TPP2: variants seen among roughly 807,000 people sequenced by gnomAD.
The protein encoded by TPP2 is tripeptidyl-peptidase 2.
A neutral mutation model predicts 155.9 loss-of-function variants in TPP2; 34 were observed. The observed-to-expected ratio is 0.22, with a 90% CI of 0.17 to 0.29. TPP2 has a LOEUF of 0.29. Among genes scored for constraint, TPP2 ranks in the 10% least tolerant of loss-of-function variants. The pLI, the probability that TPP2 is intolerant of heterozygous loss-of-function variation, is 1.00. For synonymous variants in TPP2, 510 were observed against 529.4 expected (o/e 0.96, Z 0.50); for missense variants, 1,028 against 1,522.3 (o/e 0.68, Z 5.40).
chr13:102,623,122 C>G, intron 6 of TPP2, 82 bp downstream of exon 6: 1 of 1,429,068 alleles, frequency 7.0e-7, no homozygotes, highest in Non-Finnish European at 9.4e-7. Flanking sequence ...CAGCAACCTT[C>G]TAGAGAATTT....
Position 102,618,558 on chromosome 13 carries a change from CATTGAATTGAATGACAAGTTGCATAG to C in TPP2, c.496-161_496-136del, listed in dbSNP as rs561681835. On this transcript the variant is annotated intron_variant, in intron 4 of 29. Transcript: ENST00000376052. ...GATCTGTATTAATGGGTATCTGCTT[CATTGAATTGAATGACAAGTTGCATAG>C]ATAGAACAAAATTTTCTTACATTTT... 3.3e-5 allele frequency among the ~76,000 whole-genome samples: 5 copies of C among 152,244 alleles called. No individual in the cohort carries two copies. In the South Asian group the frequency reaches 1.0e-3, roughly 32 times the overall value.
At chr13:102,677,482 A>G (rs1885351437) in intron 29 of TPP2, among the ~76,000 whole-genome samples, 1 of 152,186 alleles carries the variant, frequency 6.6e-6, no homozygotes, top group African/African-American at 2.4e-5. Context: ...CCAGTGGTCC[A>G]TAAGGCCCCT....
intron 27 of TPP2, among the ~76,000 whole-genome samples, chr13:102,666,766 C>CTTTTTTTTTTTTTTTTTTTT: frequency 3.9e-4 from 22 of 55,734 alleles, no homozygotes; most frequent in Admixed American, 7.6e-4. Flanking sequence ...TTTTTAATCT[C>CTTTTTTTTTTTTTTTTTTTT]TTTTTTTTTT....
In TPP2 at chr13:102,647,342, C is replaced by G. The variant is rs775319721; in HGVS notation, c.2626C>G (p.Gln876Glu). 1 of 1,610,068 alleles carries G rather than the reference C, an allele frequency of 6.2e-7. No individual in the cohort carries two copies. Among genetic ancestry groups the G allele is most frequent in the Non-Finnish European group, 8.5e-7 (1 of 1,178,980 alleles). Reference sequence around the variant, plus strand: ...GGGTTCAGGCGATGCCTATCCACATCAGGTATAAAATTGATGGTGATTTTT... The same window carrying G: ...GGGTTCAGGCGATGCCTATCCACATGAGGTATAAAATTGATGGTGATTTTT... ...QMGSGDAYPH[Q>E]YSLKLEKGDY... Residue 876 changes from glutamine (Q) to glutamate (E), a missense_variant and splice_region_variant, in exon 21 of 30, where the codon CAG becomes GAG. Physicochemically the swap from Gln to Glu is conservative, Grantham distance 29. Around this residue, in one of 7 missense-constraint regions of TPP2, gnomAD observed 179 missense variants for 274.7 expected, o/e 0.65. Transcript: ENST00000376052.
chr13:102,636,487 G>A (rs943791633), intron 13 of TPP2, 95 bp downstream of exon 13: 1 of 1,366,114 alleles, frequency 7.3e-7, no homozygotes, highest in African/African-American at 1.5e-5. Context: ...CCAGTGTTGT[G>A]AAGAGAATAC....
intron 10 of TPP2, among the ~76,000 whole-genome samples, chr13:102,632,444 G>A (rs1010995652): frequency 6.6e-6 from 1 of 151,958 alleles, no homozygotes; most frequent in African/African-American, 2.4e-5. Context: ...GTTTCACCAT[G>A]TTGGCCAGGC....
intron 10 of TPP2, 67 bp downstream of exon 10, chr13:102,630,262 A>G: frequency 8.4e-7 from 1 of 1,188,648 alleles, no homozygotes. Context: ...TGAGAAGGGC[A>G]GAGTTTTAGA....
At chr13:102,608,570 T>C (rs1335849746) in intron 2 of TPP2, among the ~76,000 whole-genome samples, 1 of 152,178 alleles carries the variant, frequency 6.6e-6, no homozygotes, top group Non-Finnish European at 1.5e-5. Flanking sequence ...TTGTAACCCT[T>C]GTGTGAATTT....
chr13:102,675,130 G>A (rs561442391), intron 28 of TPP2, among the ~76,000 whole-genome samples: 16 of 152,130 alleles, frequency 1.1e-4, no homozygotes, highest in African/African-American at 1.9e-4. Flanking sequence ...TTCCCCTCGC[G>A]TATCACAGAC....
At chr13:102,647,455 A>T (rs1406418899) in intron 21 of TPP2, 111 bp downstream of exon 21, 2 of 1,367,742 alleles carry the variant, frequency 1.5e-6, no homozygotes, top group Non-Finnish European at 1.9e-6. Context: ...CAAAAATTAT[A>T]GCTTTGTGTT....
chr13:102,602,927 TTTTG>T (rs1879542557), intron 1 of TPP2, among the ~76,000 whole-genome samples: 1 of 151,206 alleles, frequency 6.6e-6, no homozygotes, highest in African/African-American at 2.4e-5. Context: ...GTTTTTCGTT[TTTTG>T]TTTTTTTTTC....
intron 2 of TPP2, among the ~76,000 whole-genome samples, chr13:102,607,077 G>A: frequency 6.6e-6 from 1 of 152,142 alleles, no homozygotes; most frequent in East Asian, 1.9e-4. Context: ...GCAAGAAGGT[G>A]GCCTCTGTAA....
rs756196491 is a variant in TPP2 at position 102,640,419 on chromosome 13, C to T, written c.2020+43C>T. On this transcript the variant is annotated intron_variant, in intron 16 of 29. Transcript: ENST00000376052. ...CTGTGTGACCGCTTATCTCTGTTTACGTTCTAATGACTATAGCTGTATGAG... is the reference window on the plus strand; with the variant it reads ...CTGTGTGACCGCTTATCTCTGTTTATGTTCTAATGACTATAGCTGTATGAG... The T allele has an allele frequency of 4.7e-5, 69 of 1,469,394 alleles. 2 individuals are homozygous for T. The highest frequency in any genetic ancestry group is 5.7e-5 in the Non-Finnish European group (60 of 1,051,506). The allele number at this position is 1,469,394 out of a possible 1,614,324, so 91.0% of individuals were successfully genotyped here.
At chr13:102,659,085 C>A (rs1395855887) in intron 25 of TPP2, among the ~76,000 whole-genome samples, 5 of 152,152 alleles carry the variant, frequency 3.3e-5, no homozygotes, top group Non-Finnish European at 7.3e-5. Context: ...GTTCATAAAA[C>A]TGATAGCTCC....
Position 102,638,418 on chromosome 13 carries a change from A to G in TPP2, c.1913+103A>G, listed in dbSNP as rs1882534033. 4 of 1,265,950 alleles carry G rather than the reference A, an allele frequency of 3.2e-6. No homozygotes were observed. In the Admixed American group the frequency reaches 7.0e-5, roughly 22 times the overall value. The allele number at this position is 1,265,950 out of a possible 1,614,324, so 78.4% of individuals were successfully genotyped here. On this transcript the variant is annotated intron_variant, in intron 15 of 29. Transcript: ENST00000376052. ...ATGATCACTAATACAGAACCAGGTA[A>G]TGGGGATTTTGTCTTAGTTCTGCTC...
At position 102,678,504 on chromosome 13, in the gene TPP2, A is replaced by G; in HGVS notation, c.*188A>G. On this transcript the variant is annotated 3_prime_UTR_variant, in exon 30 of 30. Transcript: ENST00000376052. ...TAATACATGTAAATCTAGACCTCTGACATCATGGTGTTTTCTTAATGCCTC... is the reference window on the plus strand; with the variant it reads ...TAATACATGTAAATCTAGACCTCTGGCATCATGGTGTTTTCTTAATGCCTC... The G allele has an allele frequency of 5.9e-6, 3 of 506,674 alleles. No homozygotes were observed. The highest frequency in any genetic ancestry group is 5.6e-5 in the South Asian group (2 of 35,752). The allele number at this position is 506,674 out of a possible 1,614,324, so 31.4% of individuals were successfully genotyped here.
Position 102,644,932 on chromosome 13 carries a change from C to A in TPP2, c.2316C>A (p.Arg772=). 1 of 1,613,998 alleles carries A rather than the reference C, an allele frequency of 6.2e-7. No individual in the cohort carries two copies. Among genetic ancestry groups the A allele is most frequent in the Non-Finnish European group, 8.5e-7 (1 of 1,179,934 alleles). Reference sequence around the variant, plus strand: ...AGCATGCATCGGAAGGAATCAACCGCTTTGATGTTCAGTCCTCCTTGAAAT... The same window carrying A: ...AGCATGCATCGGAAGGAATCAACCGATTTGATGTTCAGTCCTCCTTGAAAT... ...LNIHASEGIN[R]FDVQSSLKYE... is the part of the protein sequence containing the mutation. The change falls in exon 19 of 30, where the codon CGC becomes CGA. Residue 772 remains arginine (R), a synonymous_variant. Transcript: ENST00000376052.
At chr13:102,645,695 T>C (rs1283025543) in intron 19 of TPP2, among the ~76,000 whole-genome samples, 3 of 152,236 alleles carry the variant, frequency 2.0e-5, no homozygotes, top group Admixed American at 2.0e-4. Flanking sequence ...ATCTAAAAAA[T>C]TGGAGCTAAA....
At position 102,660,318 on chromosome 13, in the gene TPP2, CA is replaced by C. The variant is rs1402229671; in HGVS notation, c.3143+3117del. 5.3e-5 allele frequency among the ~76,000 whole-genome samples: 8 copies of C among 151,016 alleles called. No homozygotes were observed. The East Asian group carries it at 1.6e-3, about 29-fold the overall frequency. Reference sequence around the variant, plus strand: ...ACAAAAAAACAGGATACATCAAAAACAAAAAATAAAATCGAAGACCTAAGTC... The same window carrying C: ...ACAAAAAAACAGGATACATCAAAAACAAAAATAAAATCGAAGACCTAAGTC... On this transcript the variant is annotated intron_variant, in intron 25 of 29. Coordinates refer to ENST00000376052, the MANE Select transcript of TPP2 (RefSeq NM_001330588.2).
Sources: gnomAD v4.1 joint callset for allele counts (sites outside exome capture counted in the v4.1 genomes callset) on GRCh38, gnomAD v4.1.1 for gene constraint, gnomAD v4.1.1 regional missense constraint, MANE v1.5 for transcripts, NCBI Gene and HGNC (gene_info 2026-07-23, HGNC 2026-07-21) for gene names.